Variants in RTTN observed in about 807,000 individuals in gnomAD.
The protein encoded by RTTN is rotatin.
A neutral mutation model predicts 269.2 loss-of-function variants in RTTN; 182 were observed. The observed-to-expected ratio is 0.68, with a 90% CI of 0.60 to 0.76. RTTN has a LOEUF of 0.76. RTTN is among the 30% of genes least tolerant of loss of function. The pLI is 0.00. For missense variants in RTTN, 2,545 were observed against 2,608.6 expected (o/e 0.98, Z 0.53); for synonymous variants, 1,006 against 963.5 (o/e 1.04, Z -0.82).
At chr18:70,068,717 C>T (rs561498747) in intron 34 of RTTN, among the ~76,000 whole-genome samples, 11 of 152,254 alleles carry the variant, frequency 7.2e-5, no homozygotes, top group African/African-American at 1.9e-4. Flanking sequence ...CTTACAACAG[C>T]GAGAGTCTAA....
intron 28 of RTTN, among the ~76,000 whole-genome samples, chr18:70,107,782 A>C (rs12962614): frequency 0.81 from 123,717 of 152,136 alleles, 53,506 homozygotes; most frequent in East Asian, 1. Flanking sequence ...AAATTGAGAA[A>C]GGAATAATTA....
chr18:70,181,028 C>A lies in RTTN; in HGVS notation c.1306-4183G>T, dbSNP rs2061411386. Among the ~76,000 whole-genome samples the A allele has an allele frequency of 2.6e-5, 4 of 152,240 alleles. No individual in the cohort carries two copies. In the South Asian group the frequency reaches 8.3e-4, roughly 32 times the overall value. ...GGGAAGGTCTATGTAATTAGAGATC[C>A]CACTACACCAGTTATCAATTCACAA... On this transcript the variant is annotated intron_variant, in intron 10 of 48. Coordinates refer to ENST00000640769, the MANE Select transcript of RTTN (RefSeq NM_173630.4).
intron 26 of RTTN, among the ~76,000 whole-genome samples, chr18:70,115,367 T>A (rs2059577369): frequency 6.6e-6 from 1 of 151,848 alleles, no homozygotes; most frequent in African/African-American, 2.4e-5. Flanking sequence ...TTCTAAAGTT[T>A]TTCCTCTTTT....
At chr18:70,154,343 A>G (rs564027294) in intron 14 of RTTN, among the ~76,000 whole-genome samples, 4 of 152,262 alleles carry the variant, frequency 2.6e-5, no homozygotes, top group East Asian at 1.9e-4. Flanking sequence ...GATCATATAC[A>G]TCAATAACTC....
intron 25 of RTTN, among the ~76,000 whole-genome samples, chr18:70,122,582 C>T (rs144139362): frequency 2.7e-4 from 41 of 152,184 alleles, no homozygotes; most frequent in Admixed American, 2.5e-3. Context: ...GACAAGAAGA[C>T]CCAAGCAAAA....
Position 70,184,706 on chromosome 18 carries a change from T to TGTGTG in RTTN, c.1305+3401_1305+3402insCACAC, listed in dbSNP as rs1369363481. Among the ~76,000 whole-genome samples, 115 of 54,162 alleles carry TGTGTG rather than the reference T, an allele frequency of 2.1e-3. 4 individuals carry two copies. Among genetic ancestry groups the TGTGTG allele is most frequent in the African/African-American group, 7.7e-3 (102 of 13,302 alleles). 35.5% of individuals were successfully genotyped at this position (54,162 alleles called of 152,430 possible). On this transcript the variant is annotated intron_variant, in intron 10 of 48. Transcript: ENST00000640769. ...ATTCCATTCAAAACCACAGCAGGTT[T>TGTGTG]TTTTTTTTTTTGTGTGTGTGTGTGT...
At chr18:70,182,422 C>T (rs1269881910) in intron 10 of RTTN, among the ~76,000 whole-genome samples, 3 of 151,718 alleles carry the variant, frequency 2.0e-5, no homozygotes, top group Admixed American at 6.6e-5. Context: ...AACTGATAAA[C>T]GTAAGAGTCA....
At chr18:70,134,058 CCTTAA>C (rs1195642994) in intron 23 of RTTN, among the ~76,000 whole-genome samples, 1 of 151,882 alleles carries the variant, frequency 6.6e-6, no homozygotes, top group Non-Finnish European at 1.5e-5. Flanking sequence ...AGAATAATGT[CCTTAA>C]CTTAAGGATG....
intron 10 of RTTN, among the ~76,000 whole-genome samples, chr18:70,187,515 A>G (rs1176733108): frequency 6.6e-6 from 1 of 152,228 alleles, no homozygotes; most frequent in Non-Finnish European, 1.5e-5. Context: ...TAGTGAAAAC[A>G]AACAAAAAAA....
At chr18:70,052,933 TTAAA>T (rs747991907) in intron 38 of RTTN, among the ~76,000 whole-genome samples, 3 of 152,184 alleles carry the variant, frequency 2.0e-5, no homozygotes, top group Non-Finnish European at 4.4e-5. Context: ...TTTTATGTAA[TTAAA>T]TATATACTAC....
At chr18:70,014,808 T>C (rs921794998) in intron 46 of RTTN, among the ~76,000 whole-genome samples, 17 of 152,160 alleles carry the variant, frequency 1.1e-4, no homozygotes, top group African/African-American at 4.1e-4. Flanking sequence ...ATCCCCACTT[T>C]GGGGAATCGC....
At position 70,166,169 on chromosome 18, in the gene RTTN, T is replaced by G; in HGVS notation, c.1822A>C (p.Ser608Arg). Reference protein sequence around the residue: ...CSKIWKSAQASPLLQGESQKV... With the variant: ...CSKIWKSAQARPLLQGESQKV... ...TGACTTTCTCCTTGTAGTAATGGACTGGCCTGAGCAGATTTCCAGCTGGTG... is the reference window on the plus strand; with the variant it reads ...TGACTTTCTCCTTGTAGTAATGGACGGGCCTGAGCAGATTTCCAGCTGGTG... Residue 608 changes from serine (S) to arginine (R), a missense_variant, in exon 14 of 49, where the codon AGT (serine) becomes CGT (arginine). Transcript: ENST00000640769. 1 of 1,612,230 alleles carries G rather than the reference T, an allele frequency of 6.2e-7. No individual in the cohort carries two copies. Among genetic ancestry groups the G allele is most frequent in the Non-Finnish European group, 8.5e-7 (1 of 1,178,786 alleles).
chr18:70,005,585 T>C (rs1047284199), intron 47 of RTTN: 1 of 222,272 alleles, frequency 4.5e-6, no homozygotes, highest in African/African-American at 2.3e-5. Context: ...TTTTTCATAC[T>C]CCCTCAAACC....
intron 46 of RTTN, among the ~76,000 whole-genome samples, chr18:70,012,163 G>A (rs951086245): frequency 6.6e-6 from 1 of 151,204 alleles, no homozygotes; most frequent in Admixed American, 6.6e-5. Flanking sequence ...TCTGCTCACT[G>A]GTATTGGTTA....
At chr18:70,015,396 A>G (rs563427594) in intron 46 of RTTN, among the ~76,000 whole-genome samples, 1 of 152,176 alleles carries the variant, frequency 6.6e-6, no homozygotes, top group East Asian at 1.9e-4. Context: ...GTCAAGCTCC[A>G]CTGCACACTC....
At chr18:70,045,774 C>T (rs746581402) in intron 40 of RTTN, among the ~76,000 whole-genome samples, 3 of 152,094 alleles carry the variant, frequency 2.0e-5, no homozygotes, top group Non-Finnish European at 2.9e-5. Context: ...ACTGCTTACA[C>T]GAACACAAAG....
chr18:70,148,832 T>C (rs1359418889), intron 17 of RTTN, 69 bp downstream of exon 17: 2 of 1,568,502 alleles, frequency 1.3e-6, no homozygotes, highest in Non-Finnish European at 1.7e-6. Flanking sequence ...TCAAATTATA[T>C]ATAGTTACTA....
intron 40 of RTTN, among the ~76,000 whole-genome samples, chr18:70,042,376 T>C (rs1002293395): frequency 7.4e-6 from 1 of 135,412 alleles, no homozygotes; most frequent in Non-Finnish European, 1.6e-5. Flanking sequence ...CTTTTTTTTT[T>C]TTTTTTTTTT....
intron 40 of RTTN, chr18:70,031,322 T>G (rs1435986501): frequency 2.2e-5 from 9 of 402,036 alleles, no homozygotes; most frequent in Non-Finnish European, 3.9e-5. Context: ...TGGGTCCTTG[T>G]AAAACTGCTG....
Sources: gnomAD v4.1 joint callset for allele counts (sites outside exome capture counted in the v4.1 genomes callset) on GRCh38, gnomAD v4.1.1 for gene constraint, MANE v1.5 for transcripts, NCBI Gene and HGNC (gene_info 2026-07-23, HGNC 2026-07-21) for gene names.